SPIDR: variants seen among roughly 807,000 people sequenced by gnomAD.
SPIDR encodes DNA repair-scaffolding protein.
A neutral mutation model predicts 104.6 loss-of-function variants in SPIDR; 93 were observed. The observed-to-expected ratio is 0.89, with a 90% confidence interval of 0.75 to 1.06. The LOEUF is 1.06. Among genes scored for constraint, SPIDR ranks in the 50% least tolerant of loss-of-function variants. The probability of loss-of-function intolerance (pLI) is 0.00; values close to 1 mark genes in which losing one functional copy is unlikely to be tolerated. For missense variants in SPIDR, 1,154 were observed against 1,111.2 expected (o/e 1.04, Z -0.55); for synonymous variants, 431 against 416.9 (o/e 1.03, Z -0.41).
intron 5 of SPIDR, among the ~76,000 whole-genome samples, chr8:47,325,029 G>A (rs989480857): frequency 2.0e-5 from 3 of 151,988 alleles, no homozygotes; most frequent in African/African-American, 7.3e-5. Flanking sequence ...CCACCCTAAC[G>A]GCAGCATTTT....
intron 5 of SPIDR, among the ~76,000 whole-genome samples, chr8:47,303,222 G>C (rs924835738): frequency 2.0e-5 from 3 of 152,200 alleles, no homozygotes; most frequent in Non-Finnish European, 4.4e-5. Context: ...GCGAGGCTCC[G>C]TGGGCGTAGG....
chr8:47,363,199 CTTTTTTTTTTTTTT>C (rs34705214), intron 5 of SPIDR, among the ~76,000 whole-genome samples: 1 of 79,694 alleles, frequency 1.3e-5, no homozygotes, highest in Non-Finnish European at 2.3e-5. Context: ...CTTTATCTCT[CTTTTTTTTTTTTTT>C]TTTTTTTTTT....
At chr8:47,501,445 G>A (rs1183953773) in intron 8 of SPIDR, among the ~76,000 whole-genome samples, 1 of 152,048 alleles carries the variant, frequency 6.6e-6, no homozygotes, top group African/African-American at 2.4e-5. Context: ...CTCTCTGTTT[G>A]TCTGTTATTG....
chr8:47,464,135 C>T (rs1184587988), intron 8 of SPIDR, among the ~76,000 whole-genome samples: 1 of 151,164 alleles, frequency 6.6e-6, no homozygotes, highest in Admixed American at 6.6e-5. Context: ...CACACACACA[C>T]ACACACACAC....
intron 5 of SPIDR, among the ~76,000 whole-genome samples, chr8:47,301,033 T>G (rs1303889663): frequency 2.6e-5 from 4 of 152,166 alleles, no homozygotes; most frequent in Non-Finnish European, 4.4e-5. Context: ...ATCTGTCTAA[T>G]GTTGATAGTG....
At chr8:47,466,936 G>T (rs1424620099) in intron 8 of SPIDR, among the ~76,000 whole-genome samples, 2 of 139,198 alleles carry the variant, frequency 1.4e-5, no homozygotes, top group South Asian at 2.3e-4. Context: ...TAGATAGATA[G>T]ATAGATAGAT....
At chr8:47,515,686 C>CGTATAA (rs1299872212) in intron 8 of SPIDR, among the ~76,000 whole-genome samples, 1 of 152,222 alleles carries the variant, frequency 6.6e-6, no homozygotes, top group Non-Finnish European at 1.5e-5. Flanking sequence ...TTTTTCTATG[C>CGTATAA]AGATCTCATA....
At chr8:47,577,477 G>A (rs2059251942) in intron 8 of SPIDR, among the ~76,000 whole-genome samples, 1 of 152,198 alleles carries the variant, frequency 6.6e-6, no homozygotes, top group Non-Finnish European at 1.5e-5. Context: ...GATTTGAACT[G>A]TGTGGGTCCA....
intron 7 of SPIDR, among the ~76,000 whole-genome samples, chr8:47,421,775 C>A (rs1554680929): frequency 1.3e-5 from 2 of 152,186 alleles, no homozygotes; most frequent in African/African-American, 4.8e-5. Context: ...TGGTGACGTA[C>A]AGATGGGGTT....
intron 8 of SPIDR, among the ~76,000 whole-genome samples, chr8:47,486,247 G>A (rs1188896356): frequency 2.0e-5 from 3 of 152,282 alleles, no homozygotes; most frequent in African/African-American, 7.2e-5. Context: ...GAAAGAAAAG[G>A]TATCAGAGAC....
In SPIDR at chr8:47,453,235, A is replaced by G. The variant is rs115812599; in HGVS notation, c.1097+12693A>G. On this transcript the variant is annotated intron_variant, in intron 8 of 19. Coordinates refer to ENST00000297423, the MANE Select transcript of SPIDR (RefSeq NM_001080394.4). ...AGAGGATACAGACAAATGGAGGAAC[A>G]AACATTCCATGCTCATGGATAGGAA... Among the ~76,000 whole-genome samples, 458 of 152,268 alleles carry G rather than the reference A, an allele frequency of 3.0e-3. 1 individual carries two copies. Among genetic ancestry groups the G allele is most frequent in the African/African-American group, 0.011 (447 of 41,570 alleles).
At chr8:47,603,989 C>T (rs1327789949) in intron 10 of SPIDR, among the ~76,000 whole-genome samples, 1 of 152,194 alleles carries the variant, frequency 6.6e-6, no homozygotes, top group East Asian at 1.9e-4. Context: ...ATCCACCATG[C>T]CCTGGACCAG....
At chr8:47,652,303 T>C (rs2071800121) in intron 10 of SPIDR, among the ~76,000 whole-genome samples, 1 of 152,094 alleles carries the variant, frequency 6.6e-6, no homozygotes, top group African/African-American at 2.4e-5. Context: ...GGAGCCAATG[T>C]GCAGAGAGAG....
In SPIDR at chr8:47,484,175, C is replaced by A. The variant is rs544579141; in HGVS notation, c.1097+43633C>A. ...CCGAAAGAAGTCACTTAATAAAGTG[C>A]GGAATGAGTGAAGGGAAGTTGCAGG... On this transcript the variant is annotated intron_variant, in intron 8 of 19. Coordinates refer to ENST00000297423, the MANE Select transcript of SPIDR (RefSeq NM_001080394.4). 1.2e-4 allele frequency among the ~76,000 whole-genome samples: 18 copies of A among 152,232 alleles called. No individual in the cohort carries two copies. In the South Asian group the frequency reaches 3.7e-3, roughly 32 times the overall value.
chr8:47,297,288 G>T (rs1554573405), intron 5 of SPIDR, among the ~76,000 whole-genome samples: 14 of 152,126 alleles, frequency 9.2e-5, no homozygotes, highest in Non-Finnish European at 1.8e-4. Flanking sequence ...TCTTGTTTTT[G>T]ATCATAGAGG....
intron 5 of SPIDR, among the ~76,000 whole-genome samples, chr8:47,381,197 A>T (rs566291898): frequency 6.6e-6 from 1 of 152,222 alleles, no homozygotes; most frequent in East Asian, 1.9e-4. Flanking sequence ...TACCCATTGT[A>T]CCCAGAATGA....
chr8:47,657,513 C>A (rs1222757794), intron 10 of SPIDR, among the ~76,000 whole-genome samples: 1 of 152,140 alleles, frequency 6.6e-6, no homozygotes, highest in African/African-American at 2.4e-5. Context: ...GGATCCTACA[C>A]AGGTGATAAA....
At chr8:47,452,523 T>C (rs532613318) in intron 8 of SPIDR, among the ~76,000 whole-genome samples, 2 of 152,196 alleles carry the variant, frequency 1.3e-5, no homozygotes, top group Non-Finnish European at 2.9e-5. Context: ...CATGATCAAG[T>C]GGGCTTCATC....
intron 10 of SPIDR, among the ~76,000 whole-genome samples, chr8:47,671,120 GGCTAATCTCGAACT>G (rs1407321203): frequency 1.3e-5 from 2 of 152,030 alleles, no homozygotes; most frequent in African/African-American, 2.4e-5. Flanking sequence ...TTGTTGCCCA[GGCTAATCTCGAACT>G]CCTAGACTCA....
Sources: allele counts gnomAD v4.1 joint callset (sites outside exome capture counted in the v4.1 genomes callset), GRCh38; gene constraint gnomAD v4.1.1; transcripts MANE v1.5; gene names NCBI Gene and HGNC (gene_info 2026-07-23, HGNC 2026-07-21).